Variants in CDH18 observed in about 807,000 individuals in gnomAD.
CDH18 encodes cadherin-18.
In CDH18, 31 loss-of-function variants were observed where a neutral mutation model predicts 67.9. That is an observed-to-expected ratio of 0.46 (90% CI 0.34 to 0.62). CDH18 has a LOEUF of 0.62. Among genes scored for constraint, CDH18 ranks in the 20% least tolerant of loss-of-function variants. The probability of loss-of-function intolerance (pLI) is 0.01; values close to 1 mark genes in which losing one functional copy is unlikely to be tolerated. For synonymous variants in CDH18, 362 were observed against 347.2 expected (o/e 1.04, Z -0.48); for missense variants, 890 against 975.5 (o/e 0.91, Z 1.17).
chr5:19,530,895 T>C (rs563423846), intron 9 of CDH18, among the ~76,000 whole-genome samples: 114 of 139,486 alleles, frequency 8.2e-4, no homozygotes, highest in African/African-American at 2.7e-3. Flanking sequence ...AATATACCCT[T>C]GCGCTTCTCG....
At chr5:20,067,336 G>A (rs1310067415) in intron 2 of CDH18, among the ~76,000 whole-genome samples, 1 of 151,018 alleles carries the variant, frequency 6.6e-6, no homozygotes, top group Non-Finnish European at 1.5e-5. Flanking sequence ...CATACTAGAT[G>A]CTTTCAGTTT....
At chr5:20,312,889 T>C (rs1365171696) in intron 1 of CDH18, among the ~76,000 whole-genome samples, 1 of 152,146 alleles carries the variant, frequency 6.6e-6, no homozygotes, top group Non-Finnish European at 1.5e-5. Context: ...TCTCTTCTTT[T>C]TAATCAATTC....
At chr5:20,550,731 T>C (rs553788538) in intron 1 of CDH18, among the ~76,000 whole-genome samples, 1 of 152,316 alleles carries the variant, frequency 6.6e-6, no homozygotes, top group South Asian at 2.1e-4. Flanking sequence ...GCTGTTTTAG[T>C]CCATTTAGTG....
intron 2 of CDH18, among the ~76,000 whole-genome samples, chr5:20,129,400 A>G (rs896771625): frequency 6.6e-6 from 1 of 152,064 alleles, no homozygotes; most frequent in Non-Finnish European, 1.5e-5. Context: ...CTTACGTTCT[A>G]TTACAAGCAA....
intron 7 of CDH18, among the ~76,000 whole-genome samples, chr5:19,573,881 T>A (rs1741868741): frequency 6.6e-6 from 1 of 152,222 alleles, no homozygotes; most frequent in South Asian, 2.1e-4. Flanking sequence ...ATTTTTGGAG[T>A]TAACTTGCTG....
chr5:20,207,946 T>A (rs1740042458), intron 2 of CDH18, among the ~76,000 whole-genome samples: 2 of 151,938 alleles, frequency 1.3e-5, no homozygotes, highest in Admixed American at 6.6e-5. Context: ...GAAAACACCA[T>A]CATACAGGCA....
At chr5:20,331,127 T>C (rs548694328) in intron 1 of CDH18, among the ~76,000 whole-genome samples, 17 of 152,308 alleles carry the variant, frequency 1.1e-4, no homozygotes, top group African/African-American at 3.6e-4. Flanking sequence ...AAAATATTAG[T>C]TGTAGAAGAT....
chr5:19,937,644 A>G (rs546792415), intron 2 of CDH18, among the ~76,000 whole-genome samples: 2 of 151,436 alleles, frequency 1.3e-5, no homozygotes, highest in East Asian at 3.9e-4. Flanking sequence ...ATAACCGAAC[A>G]ATACCTAGCC....
chr5:19,483,619 T>A, intron 11 of CDH18, 67 bp from the exon 12 acceptor site: 1 of 1,479,406 alleles, frequency 6.8e-7, no homozygotes, highest in African/African-American at 1.4e-5. Flanking sequence ...ACATTTCCTT[T>A]AATGGATAAA....
chr5:20,527,958 C>A (rs933522291), intron 1 of CDH18, among the ~76,000 whole-genome samples: 4 of 152,042 alleles, frequency 2.6e-5, no homozygotes, highest in Non-Finnish European at 4.4e-5. Context: ...TTAAAAGACA[C>A]AGAATGGCAA....
At chr5:19,866,637 G>GTC in intron 2 of CDH18, among the ~76,000 whole-genome samples, 2 of 152,248 alleles carry the variant, frequency 1.3e-5, no homozygotes, top group South Asian at 4.1e-4. Context: ...TTCTCAGTAG[G>GTC]TCACTCACAT....
At chr5:20,161,440 C>G (rs564480490) in intron 2 of CDH18, among the ~76,000 whole-genome samples, 1 of 152,164 alleles carries the variant, frequency 6.6e-6, no homozygotes, top group Non-Finnish European at 1.5e-5. Flanking sequence ...TAGTTCCTCA[C>G]TGAACAAGCC....
intron 5 of CDH18, among the ~76,000 whole-genome samples, chr5:19,707,230 A>G (rs1356379675): frequency 1.3e-5 from 2 of 152,156 alleles, no homozygotes; most frequent in African/African-American, 4.8e-5. Context: ...TGTCACGAGC[A>G]ACACCCGTTG....
intron 1 of CDH18, among the ~76,000 whole-genome samples, chr5:20,386,783 A>G (rs1744345640): frequency 1.3e-5 from 2 of 152,130 alleles, no homozygotes; most frequent in Admixed American, 6.6e-5. Context: ...TACATTGCTG[A>G]AAGCTACAGT....
At chr5:20,420,380 C>A (rs1002845305) in intron 1 of CDH18, among the ~76,000 whole-genome samples, 26 of 151,160 alleles carry the variant, frequency 1.7e-4, no homozygotes, top group African/African-American at 6.2e-4. Context: ...GAAATAAAAA[C>A]AAAGCAATAT....
chr5:19,799,350 G>A lies in CDH18; in HGVS notation c.228+39409C>T, dbSNP rs1173032305. 2.0e-5 allele frequency among the ~76,000 whole-genome samples: 3 copies of A among 151,610 alleles called. No homozygotes were observed. The East Asian group carries it at 5.8e-4, about 29-fold the overall frequency. ...GATAAATATGTTCTGGAGATCTATT[G>A]TACAACATAGTATCTATAGTTAACA... is the stretch of plus-strand genomic sequence containing the variant. On this transcript the variant is annotated intron_variant, in intron 3 of 12. Transcript: ENST00000382275.
At chr5:20,517,742 T>G (rs995867632) in intron 1 of CDH18, among the ~76,000 whole-genome samples, 1 of 152,116 alleles carries the variant, frequency 6.6e-6, no homozygotes, top group Non-Finnish European at 1.5e-5. Context: ...GTTTACAATT[T>G]GTTTGGAAAA....
intron 2 of CDH18, among the ~76,000 whole-genome samples, chr5:20,189,162 T>G (rs1281252621): frequency 6.6e-6 from 1 of 152,148 alleles, no homozygotes; most frequent in Non-Finnish European, 1.5e-5. Flanking sequence ...TCACTTTGCC[T>G]GTTTTTTATT....
At chr5:20,338,093 A>G (rs957600576) in intron 1 of CDH18, among the ~76,000 whole-genome samples, 1 of 152,154 alleles carries the variant, frequency 6.6e-6, no homozygotes, top group African/African-American at 2.4e-5. Context: ...GTTACCTACC[A>G]CTGGGTCCCT....
Sources: gnomAD v4.1 joint callset for allele counts (sites outside exome capture counted in the v4.1 genomes callset) on GRCh38, gnomAD v4.1.1 for gene constraint, MANE v1.5 for transcripts, NCBI Gene and HGNC (gene_info 2026-07-23, HGNC 2026-07-21) for gene names.